TMEM244: variants seen among roughly 807,000 people sequenced by gnomAD.
TMEM244 encodes the protein transmembrane protein 244.
TMEM244 carries 13 observed loss-of-function variants against 15.8 expected under a neutral mutation model. The ratio of observed to expected loss-of-function variants is 0.82; its 90% CI spans 0.53 to 1.30. The LOEUF (loss-of-function observed/expected upper bound fraction) is 1.30. TMEM244 is among the 50% of genes most tolerant of loss of function. TMEM244 has a pLI of 0.00. For synonymous variants in TMEM244, 45 were observed against 48.7 expected, an observed-to-expected ratio of 0.92 and a Z score of 0.32; for missense variants, 161 against 144.9, an observed-to-expected ratio of 1.11 and a Z score of -0.57.
intron 1 of TMEM244, among the ~76,000 whole-genome samples, chr6:129,858,062 A>G (rs1184191559): frequency 1.3e-5 from 2 of 151,950 alleles, no homozygotes; most frequent in Admixed American, 6.6e-5. Flanking sequence ...CCATCCGTAC[A>G]TTTTTGGAAT....
At chr6:129,841,308 C>G (rs1318630419) in intron 3 of TMEM244, among the ~76,000 whole-genome samples, 1 of 150,432 alleles carries the variant, frequency 6.6e-6, no homozygotes, top group African/African-American at 2.4e-5. Context: ...TTATTCTAAG[C>G]AAACTATCAC....
intron 3 of TMEM244, among the ~76,000 whole-genome samples, chr6:129,842,426 T>C (rs1452798446): frequency 6.6e-6 from 1 of 152,186 alleles, no homozygotes; most frequent in Non-Finnish European, 1.5e-5. Context: ...ATTGAATCAA[T>C]AATGGCACCA....
intron 1 of TMEM244, among the ~76,000 whole-genome samples, chr6:129,849,549 T>C (rs1022316697): frequency 6.6e-6 from 1 of 152,028 alleles, no homozygotes; most frequent in Admixed American, 6.6e-5. Flanking sequence ...GTCCAAGCCG[T>C]AGGATGCAGT....
In TMEM244 at chr6:129,840,533, A is replaced by G. The variant is rs369108116; in HGVS notation, c.193+2997T>C. 1.3e-4 allele frequency among the ~76,000 whole-genome samples: 20 copies of G among 152,304 alleles called. No homozygotes were observed. In the East Asian group the frequency reaches 3.3e-3, roughly 25 times the overall value. ...GATAGTCATGGGCAAAGACTTCATG[A>G]CTAAAACCCCAAAAGCAATGGCAAC... On this transcript the variant is annotated intron_variant, in intron 3 of 4. Coordinates refer to ENST00000368143, the MANE Select transcript of TMEM244 (RefSeq NM_001010876.2).
chr6:129,859,615 G>C (rs1186716785), intron 1 of TMEM244, among the ~76,000 whole-genome samples: 2 of 152,224 alleles, frequency 1.3e-5, no homozygotes, highest in African/African-American at 2.4e-5. Context: ...ATTGTATTCT[G>C]AACAGTTTAG....
intron 3 of TMEM244, among the ~76,000 whole-genome samples, chr6:129,840,675 G>C (rs543470089): frequency 3.2e-4 from 48 of 152,136 alleles, no homozygotes; most frequent in African/African-American, 1.1e-3. Context: ...TTTGCAATCT[G>C]TCCATCTGAC....
chr6:129,856,499 C>A (rs1776712097), intron 1 of TMEM244, among the ~76,000 whole-genome samples: 1 of 152,040 alleles, frequency 6.6e-6, no homozygotes, highest in South Asian at 2.1e-4. Flanking sequence ...CAAAGAAACA[C>A]AAGGAAACTT....
intron 3 of TMEM244, among the ~76,000 whole-genome samples, chr6:129,838,621 CA>C (rs1353615696): frequency 3.3e-5 from 5 of 151,848 alleles, no homozygotes; most frequent in African/African-American, 9.7e-5. Context: ...AAAAACCCTT[CA>C]AAAAAATCAG....
At position 129,831,249 on chromosome 6, in the gene TMEM244, A is replaced by T; in HGVS notation, c.*70T>A. ...TTATCTTAGAAAGACAATAATTGTA[A>T]AATCTATGAGAAAATAAAATATATT... On this transcript the variant is annotated 3_prime_UTR_variant, in exon 5 of 5. Transcript: ENST00000368143. 1.0e-6 allele frequency: 1 copy of T among 966,736 alleles called. No individual in the cohort carries two copies. The highest frequency in any genetic ancestry group is 1.5e-5 in the South Asian group (1 of 67,776). The allele number at this position is 966,736 out of a possible 1,614,324, so 59.9% of individuals were successfully genotyped here.
intron 1 of TMEM244, among the ~76,000 whole-genome samples, chr6:129,858,361 T>G (rs1241401523): frequency 2.6e-5 from 4 of 152,146 alleles, no homozygotes; most frequent in Non-Finnish European, 5.9e-5. Context: ...TGTAATAGCC[T>G]TCTCCATTTA....
At chr6:129,859,137 T>C (rs529555245) in intron 1 of TMEM244, among the ~76,000 whole-genome samples, 1 of 152,296 alleles carries the variant, frequency 6.6e-6, no homozygotes, top group African/African-American at 2.4e-5. Context: ...CTAAGTCAGA[T>C]CCACTGGAGT....
chr6:129,844,328 T>C (rs763393468), intron 2 of TMEM244, among the ~76,000 whole-genome samples: 1 of 152,134 alleles, frequency 6.6e-6, no homozygotes, highest in Non-Finnish European at 1.5e-5. Flanking sequence ...GTTCCTGCCA[T>C]CAAACGTAGA....
At chr6:129,846,800 T>A (rs929635305) in intron 1 of TMEM244, among the ~76,000 whole-genome samples, 2 of 152,158 alleles carry the variant, frequency 1.3e-5, no homozygotes, top group Non-Finnish European at 2.9e-5. Flanking sequence ...TATGCAAGAA[T>A]TTACAGAGCA....
At chr6:129,852,962 G>A (rs891063785) in intron 1 of TMEM244, among the ~76,000 whole-genome samples, 4 of 152,084 alleles carry the variant, frequency 2.6e-5, no homozygotes, top group Non-Finnish European at 1.5e-5. Flanking sequence ...CTCTCTCTGG[G>A]ATTCTCTTTC....
intron 3 of TMEM244, among the ~76,000 whole-genome samples, chr6:129,833,816 T>C (rs1257076339): frequency 7.7e-6 from 1 of 129,058 alleles, no homozygotes; most frequent in African/African-American, 3.1e-5. Context: ...CTGTTTCACA[T>C]TCTTTGTGTT....
At chr6:129,843,294 A>G (rs1776516231) in intron 3 of TMEM244, among the ~76,000 whole-genome samples, 1 of 152,200 alleles carries the variant, frequency 6.6e-6, no homozygotes, top group East Asian at 1.9e-4. Context: ...ATGAAATGAA[A>G]ATTTATATAG....
chr6:129,835,018 G>A (rs149421703), intron 3 of TMEM244, among the ~76,000 whole-genome samples: 1 of 152,266 alleles, frequency 6.6e-6, no homozygotes, highest in East Asian at 1.9e-4. Flanking sequence ...TTCATGATAG[G>A]AAAGAAAGCA....
intron 1 of TMEM244, among the ~76,000 whole-genome samples, chr6:129,846,946 C>CA (rs1249100142): frequency 5.9e-5 from 9 of 151,900 alleles, no homozygotes; most frequent in Non-Finnish European, 1.0e-4. Context: ...AACTTCTAAA[C>CA]AAAAAAATCC....
chr6:129,831,377 T>G lies in TMEM244; in HGVS notation c.329A>C (p.Glu110Ala). The G allele has an allele frequency of 6.4e-7, 1 of 1,574,452 alleles. No individual in the cohort carries two copies. The highest frequency in any genetic ancestry group is 1.7e-4 in the Middle Eastern group (1 of 6,000). ...CCACCAATGTGATGTCAAGGGGAAT[T>G]CCAACATAACTGCAATAGAAAAAAA... ...HVAITSTVML[E>A]FPLTSHWWAA... Residue 110 changes from glutamate to alanine, a missense_variant, in exon 5 of 5, where the codon GAA becomes GCA. Physicochemically the swap from Glu to Ala is moderately radical, Grantham distance 107 (BLOSUM62 -1). Coordinates refer to ENST00000368143, the MANE Select transcript of TMEM244 (RefSeq NM_001010876.2).
Sources: gnomAD v4.1 joint callset for allele counts (sites outside exome capture counted in the v4.1 genomes callset) on GRCh38, gnomAD v4.1.1 for gene constraint, MANE v1.5 for transcripts, NCBI Gene and HGNC (gene_info 2026-07-23, HGNC 2026-07-21) for gene names.